Variants in MCM7 observed in about 807,000 individuals in gnomAD.
MCM7 encodes the protein minichromosome maintenance complex component 7.
Under a neutral mutation model 83.5 loss-of-function variants are expected in MCM7, and 95 were observed. The ratio of observed to expected loss-of-function variants is 1.14; its 90% CI spans 0.96 to 1.35. The LOEUF (loss-of-function observed/expected upper bound fraction) is 1.35, where lower values mean the gene tolerates loss of function less well. MCM7 is among the 40% of genes most tolerant of loss of function. MCM7 has a pLI of 0.00. For synonymous variants in MCM7, 461 were observed against 352.7 expected (o/e 1.31, Z -3.44); for missense variants, 1,087 against 957.4 (o/e 1.14, Z -1.79).
At position 100,095,433 on chromosome 7, in the gene MCM7, G is replaced by A. The variant is rs764448908; in HGVS notation, c.1633C>T (p.Arg545Trp). The A allele has an allele frequency of 1.6e-5, 26 of 1,613,944 alleles. No homozygotes were observed. Among genetic ancestry groups the A allele is most frequent in the Admixed American group, 3.3e-5 (2 of 59,986 alleles). Residue 545 changes from arginine (R) to tryptophan (W), a missense_variant, in exon 12 of 15, where the codon CGG (arginine) becomes TGG (tryptophan). Coordinates refer to ENST00000303887, the MANE Select transcript of MCM7 (RefSeq NM_005916.5). ...QHITYVHQHS[R>W]QPPSQFEPLD... Reference sequence around the variant, plus strand: ...GGTTCAAACTGGGAGGGGGGCTGCCGGCTGTGCTGGTGCACATAGGTGATG... The same window carrying A: ...GGTTCAAACTGGGAGGGGGGCTGCCAGCTGTGCTGGTGCACATAGGTGATG...
intron 12 of MCM7, 31 bp from the exon 13 acceptor site, chr7:100,094,372 G>A (rs760566172): frequency 6.2e-7 from 1 of 1,612,850 alleles, no homozygotes; most frequent in Middle Eastern, 1.7e-4. Flanking sequence ...GGAAGCAGAA[G>A]AGGGAGATGG....
chr7:100,101,151 C>T (rs1043239866), intron 1 of MCM7, 113 bp downstream of exon 1: 2 of 1,356,614 alleles, frequency 1.5e-6, no homozygotes, highest in South Asian at 1.2e-5. Flanking sequence ...CCTCTGGCCT[C>T]GCGCACCCCA....
chr7:100,093,649 C>T (rs755159318), intron 13 of MCM7: 13 of 737,624 alleles, frequency 1.8e-5, no homozygotes, highest in South Asian at 6.8e-5. Context: ...TGGCCAGTCC[C>T]GGAGTTCAGC....
intron 1 of MCM7, chr7:100,100,462 G>T (rs973332009): frequency 7.0e-6 from 7 of 994,964 alleles, no homozygotes; most frequent in Non-Finnish European, 8.4e-6. Flanking sequence ...TGATTTCACC[G>T]GGACCTCCGC....
In MCM7 at chr7:100,099,762, G is replaced by T. The variant is rs970538027; in HGVS notation, c.112-9C>A. Reference sequence around the variant, plus strand: ...CGATGAGCCAGCCGAACCTCAAGTGGGGAAGAGACAGAAACACCTCAGAGC... The same window carrying T: ...CGATGAGCCAGCCGAACCTCAAGTGTGGAAGAGACAGAAACACCTCAGAGC... On this transcript the variant is annotated splice_polypyrimidine_tract_variant and intron_variant, in intron 2 of 14. Coordinates refer to ENST00000303887, the MANE Select transcript of MCM7 (RefSeq NM_005916.5). 1 of 1,613,346 alleles carries T rather than the reference G, an allele frequency of 6.2e-7. No individual in the cohort carries two copies. The highest frequency in any genetic ancestry group is 8.5e-7 in the Non-Finnish European group (1 of 1,179,828).
chr7:100,098,218 C>T lies in MCM7; in HGVS notation c.793G>A (p.Ala265Thr), dbSNP rs757715836. ...ACGCTGACGTGGTCTCCAGGCTGGG[C>T]AATCCTTGTGTTCTCTCCTTCTACC... is the stretch of plus-strand genomic sequence containing the variant. ...VLVEGENTRIAQPGDHVSVTG... is the reference protein window; with the variant it reads ...VLVEGENTRITQPGDHVSVTG... Residue 265 changes from alanine (A) to threonine (T), a missense_variant, in exon 7 of 15, where the codon GCC (alanine) becomes ACC (threonine). By Grantham distance (58) the Ala-to-Thr change is moderately conservative. Transcript: ENST00000303887. 5 of 1,614,088 alleles carry T rather than the reference C, an allele frequency of 3.1e-6. No homozygotes were observed. In the South Asian group the frequency reaches 5.5e-5, roughly 18 times the overall value.
rs146605550 is a variant in MCM7, at chr7:100,098,624, C to T, written c.674G>A (p.Arg225Gln). The T allele has an allele frequency of 1.3e-4, 215 of 1,614,162 alleles. No homozygotes were observed. In the South Asian group the frequency reaches 1.8e-3, roughly 14 times the overall value. ...RSGGRLYLQT[R>Q]GSRFIKFQEM... ...CTGGAATTTGATGAATCTGGAGCCC[C>T]GTGTCTGCAGATACAGCCGCCCTCC... Residue 225 changes from arginine (R) to glutamine (Q), a missense_variant, in exon 6 of 15, where the codon CGG becomes CAG. Transcript: ENST00000303887.
rs1795559531 is a variant in MCM7 at position 100,095,282 on chromosome 7, G to C, written c.1679+105C>G. ...GAGGCTCTGGACATGTCTGTAGCGG[G>C]AAGTGGTGGTGTGAAAAACACACAC... is the stretch of plus-strand genomic sequence containing the variant. On this transcript the variant is annotated intron_variant, in intron 12 of 14. Coordinates refer to ENST00000303887, the MANE Select transcript of MCM7 (RefSeq NM_005916.5). 9.6e-6 allele frequency: 9 copies of C among 937,736 alleles called. No homozygotes were observed. The East Asian group carries it at 1.8e-4, about 19-fold the overall frequency. 58.1% of individuals were successfully genotyped at this position (937,736 alleles called of 1,614,324 possible). A position where few individuals can be genotyped will look rare whatever the true frequency, so the allele number is the denominator to read the frequency against.
Position 100,097,680 on chromosome 7 carries a change from T to C in MCM7, c.1051A>G (p.Lys351Glu). The C allele has an allele frequency of 6.2e-7, 1 of 1,614,208 alleles. No homozygotes were observed. The highest frequency in any genetic ancestry group is 8.5e-7 in the Non-Finnish European group (1 of 1,180,042). The change falls in exon 9 of 15, where the codon AAG becomes GAG. Residue 351 changes from lysine to glutamate, a missense_variant. Coordinates refer to ENST00000303887, the MANE Select transcript of MCM7 (RefSeq NM_005916.5). ...APEIYGHEDVKKALLLLLVGG... is the reference protein window; with the variant it reads ...APEIYGHEDVEKALLLLLVGG... ...ACTAGCAGGAGCAGCAGTGCCTTCTTCACATCTTCATGCCCGTATATTTCT... is the reference window on the plus strand; with the variant it reads ...ACTAGCAGGAGCAGCAGTGCCTTCTCCACATCTTCATGCCCGTATATTTCT...
At position 100,100,153 on chromosome 7, in the gene MCM7, T is replaced by C. The variant is rs979961854; in HGVS notation, c.32-60A>G. The C allele has an allele frequency of 4.4e-6, 7 of 1,592,878 alleles. No homozygotes were observed. The African/African-American group carries it at 9.4e-5, about 21-fold the overall frequency. On this transcript the variant is annotated intron_variant, in intron 1 of 14. Transcript: ENST00000303887. ...CTTTAAGACAAATCTTAGATACCCATTTTCGCTTAAAACACGACCTATGAA... is the reference window on the plus strand; with the variant it reads ...CTTTAAGACAAATCTTAGATACCCACTTTCGCTTAAAACACGACCTATGAA...
In MCM7 at chr7:100,101,291, C is replaced by T; in HGVS notation, c.4G>A (p.Ala2Thr). ...TTCTCTAGCGCGTAGTCCTTCAGTGCCATCGCTGCCGAGGGCCGTGCGGCC... is the reference window on the plus strand; with the variant it reads ...TTCTCTAGCGCGTAGTCCTTCAGTGTCATCGCTGCCGAGGGCCGTGCGGCC... M[A>T]LKDYALEKEK... Residue 2 changes from alanine to threonine, a missense_variant, in exon 1 of 15, where the codon GCA (alanine) becomes ACA (threonine). Physicochemically the swap from Ala to Thr is moderately conservative, Grantham distance 58. Coordinates refer to ENST00000303887, the MANE Select transcript of MCM7 (RefSeq NM_005916.5). The T allele has an allele frequency of 6.2e-7, 1 of 1,613,282 alleles. No homozygotes were observed. The highest frequency in any genetic ancestry group is 8.5e-7 in the Non-Finnish European group (1 of 1,179,904).
chr7:100,100,661 C>CCCGGGCCCGAGCGAAGCT (rs1562901324), intron 1 of MCM7: 2 of 990,468 alleles, frequency 2.0e-6, no homozygotes, highest in Non-Finnish European at 1.2e-6. Flanking sequence ...TGCCGCCTTT[C>CCCGGGCCCGAGCGAAGCT]CCGGGCCCGA....
At chr7:100,095,748 C>T (rs1584488676) in intron 11 of MCM7, 26 bp downstream of exon 11, 7 of 1,546,418 alleles carry the variant, frequency 4.5e-6, no homozygotes, top group Non-Finnish European at 6.1e-6. Flanking sequence ...CAGGGGACCT[C>T]TCTTTGGGTG....
Position 100,098,256 on chromosome 7 carries a change from C to G in MCM7, c.755G>C (p.Ser252Thr). ...DQVPVGNIPR[S>T]ITVLVEGENT... Reference sequence around the variant, plus strand: ...CTCTCCTTCTACCAGCACCGTGATACTACGAGGGATATTTCCCACAGGCAC... The same window carrying G: ...CTCTCCTTCTACCAGCACCGTGATAGTACGAGGGATATTTCCCACAGGCAC... Residue 252 changes from serine to threonine, a missense_variant, in exon 7 of 15, where the codon AGT becomes ACT. By Grantham distance (58) the Ser-to-Thr change is moderately conservative. Coordinates refer to ENST00000303887, the MANE Select transcript of MCM7 (RefSeq NM_005916.5). 6.2e-7 allele frequency: 1 copy of G among 1,614,160 alleles called. No homozygotes were observed. The highest frequency in any genetic ancestry group is 1.3e-5 in the African/African-American group (1 of 75,036).
chr7:100,094,638 A>G (rs1402322470), intron 12 of MCM7, among the ~76,000 whole-genome samples: 1 of 152,210 alleles, frequency 6.6e-6, no homozygotes, highest in African/African-American at 2.4e-5. Flanking sequence ...CCCTCCTCTG[A>G]GCGCATGACA....
At chr7:100,100,144 A>AC in intron 1 of MCM7, 51 bp from the exon 2 acceptor site, 1 of 1,601,714 alleles carries the variant, frequency 6.2e-7, no homozygotes, top group South Asian at 1.1e-5. Flanking sequence ...GACAAATCTT[A>AC]GATACCCATT....
chr7:100,100,282 C>CCGT (rs1030996146), intron 1 of MCM7, 189 bp from the exon 2 acceptor site: 249 of 1,366,808 alleles, frequency 1.8e-4, no homozygotes, highest in Non-Finnish European at 2.1e-4. Context: ...AATAAAGAGC[C>CCGT]CGTGGCAGTG....
chr7:100,099,911 C>G (rs932797912), intron 2 of MCM7, 103 bp downstream of exon 2: 8 of 1,430,940 alleles, frequency 5.6e-6, no homozygotes, highest in African/African-American at 2.8e-5. Flanking sequence ...TTTCAGCCCT[C>G]AAACCCTCTA....
rs750861183 is a variant in MCM7 at position 100,098,225 on chromosome 7, T to C, written c.786A>G (p.Thr262=). The change falls in exon 7 of 15, where the codon ACA becomes ACG. Residue 262 remains threonine (T), a synonymous_variant. Transcript: ENST00000303887. ...SITVLVEGEN[T]RIAQPGDHVS... The stretch of plus-strand genomic sequence containing the variant: ...CGTGGTCTCCAGGCTGGGCAATCCT[T>C]GTGTTCTCTCCTTCTACCAGCACCG... The C allele has an allele frequency of 2.0e-5, 32 of 1,613,966 alleles. 1 individual carries two copies. The South Asian group carries it at 3.5e-4, about 18-fold the overall frequency.
Sources: gnomAD v4.1 joint callset for allele counts (sites outside exome capture counted in the v4.1 genomes callset) on GRCh38, gnomAD v4.1.1 for gene constraint, MANE v1.5 for transcripts, NCBI Gene and HGNC (gene_info 2026-07-23, HGNC 2026-07-21) for gene names.